Variants in UPP1 observed in about 807,000 individuals in gnomAD.
UPP1 encodes UPase 1.
Under a neutral mutation model 29.6 loss-of-function variants are expected in UPP1, and 25 were observed. That is an observed-to-expected ratio of 0.85 (90% CI 0.62 to 1.18). The LOEUF is 1.18. Ranked by LOEUF, UPP1 falls within the 50% of genes most tolerant of loss-of-function variation. The probability of loss-of-function intolerance (pLI) is 0.00; values close to 1 mark genes in which losing one functional copy is unlikely to be tolerated. For synonymous variants in UPP1, 165 were observed against 159.8 expected, an observed-to-expected ratio of 1.03 and a Z score of -0.25; for missense variants, 368 against 410.4, an observed-to-expected ratio of 0.90 and a Z score of 0.89.
In UPP1 at chr7:48,101,807, C is replaced by T. The variant is rs370389627; in HGVS notation, c.163-17C>T. The T allele has an allele frequency of 1.2e-6, 2 of 1,612,034 alleles. No homozygotes were observed. Among genetic ancestry groups the T allele is most frequent in the South Asian group, 1.1e-5 (1 of 90,776 alleles). On this transcript the variant is annotated splice_polypyrimidine_tract_variant and intron_variant, in intron 4 of 8. Transcript: ENST00000395564. The stretch of plus-strand genomic sequence containing the variant: ...ATAGACAGTGCACTAATGGGGGTCT[C>T]TCTTCTCTGGCTGCAGTTTGTGTGT...
Position 48,108,529 on chromosome 7 carries a change from T to C in UPP1, c.*172T>C. 1 of 738,310 alleles carries C rather than the reference T, an allele frequency of 1.4e-6. No individual in the cohort carries two copies. Among genetic ancestry groups the C allele is most frequent in the Non-Finnish European group, 2.0e-6 (1 of 509,244 alleles). The allele number at this position is 738,310 out of a possible 1,614,324, so 45.7% of individuals were successfully genotyped here. On this transcript the variant is annotated 3_prime_UTR_variant, in exon 9 of 9. Transcript: ENST00000395564. ...AACCGCATGGGAGATGTTCTTCCTT[T>C]TGAAGTTTCATTGGAGCATTTTCAA...
At chr7:48,096,059 T>C (rs1274783794) in intron 3 of UPP1, among the ~76,000 whole-genome samples, 3 of 152,308 alleles carry the variant, frequency 2.0e-5, no homozygotes, top group Non-Finnish European at 2.9e-5. Context: ...CCTCCTGCCA[T>C]GGCTTGAGGT....
At chr7:48,097,706 A>G (rs1029564626) in intron 3 of UPP1, among the ~76,000 whole-genome samples, 18 of 152,276 alleles carry the variant, frequency 1.2e-4, no homozygotes, top group Middle Eastern at 6.8e-3. Flanking sequence ...TAGCCCTTCT[A>G]TGTTGTACTC....
intron 4 of UPP1, among the ~76,000 whole-genome samples, chr7:48,100,125 T>C (rs1792343760): frequency 6.6e-6 from 1 of 152,190 alleles, no homozygotes; most frequent in Non-Finnish European, 1.5e-5. Context: ...ACCTAGGTGG[T>C]AGAGCCTACT....
intron 4 of UPP1, among the ~76,000 whole-genome samples, chr7:48,101,009 C>T (rs1427140854): frequency 1.3e-5 from 2 of 151,944 alleles, no homozygotes; most frequent in African/African-American, 2.4e-5. Flanking sequence ...TGGGTTCAAG[C>T]GATTCTCTTG....
At chr7:48,096,298 A>G (rs1583860793) in intron 3 of UPP1, among the ~76,000 whole-genome samples, 1 of 150,738 alleles carries the variant, frequency 6.6e-6, no homozygotes, top group African/African-American at 2.4e-5. Context: ...GCCTCTTAGG[A>G]AGGATGTGAC....
chr7:48,093,006 CT>C (rs1583852760), intron 2 of UPP1, among the ~76,000 whole-genome samples: 1 of 151,590 alleles, frequency 6.6e-6, no homozygotes, highest in East Asian at 1.9e-4. Context: ...GCATGGCCCC[CT>C]GTTTCTAAAA....
intron 8 of UPP1, 77 bp from the exon 9 acceptor site, chr7:48,108,141 C>T (rs548092642): frequency 1.2e-5 from 18 of 1,559,364 alleles, no homozygotes; most frequent in African/African-American, 6.8e-5. Context: ...CCTCAGAGCT[C>T]GTGGGTTCTT....
intron 4 of UPP1, 143 bp from the exon 5 acceptor site, chr7:48,101,681 A>G: frequency 1.1e-6 from 1 of 943,450 alleles, no homozygotes. Flanking sequence ...GGCCCCTTAG[A>G]TTCAGCAGGT....
intron 4 of UPP1, among the ~76,000 whole-genome samples, chr7:48,100,899 T>G (rs534510107): frequency 8.4e-4 from 128 of 151,916 alleles, no homozygotes; most frequent in African/African-American, 3.0e-3. Context: ...TTCTTTTCTT[T>G]TATCTTCAGA....
Position 48,107,030 on chromosome 7 carries a change from C to G in UPP1, c.594C>G (p.Ser198Arg). The change falls in exon 7 of 9, where the codon AGC becomes AGG. Residue 198 changes from serine to arginine, a missense_variant. Ser to Arg is a moderately radical substitution (Grantham distance 110, BLOSUM62 -1). Coordinates refer to ENST00000395564, the MANE Select transcript of UPP1 (RefSeq NM_003364.4). ...TGTTGCTGTGTTCTGCAGAGCTGAG[C>G]GAGTTCACCACAGTGGTGGGGAACA... Reference protein sequence around the residue: ...QELLLCSAELSEFTTVVGNTM... With the variant: ...QELLLCSAELREFTTVVGNTM... 6.2e-7 allele frequency: 1 copy of G among 1,612,532 alleles called. No homozygotes were observed.
intron 6 of UPP1, 91 bp from the exon 7 acceptor site, chr7:48,106,782 C>G: frequency 8.6e-7 from 1 of 1,168,846 alleles, no homozygotes; most frequent in Non-Finnish European, 1.3e-6. Context: ...TTCTTTCTTC[C>G]ATATGCTCTG....
rs911358557 is a variant in UPP1, at chr7:48,094,672, T to C, written c.-21-91T>C. 1.3e-5 allele frequency: 15 copies of C among 1,115,882 alleles called. No homozygotes were observed. The African/African-American group carries it at 2.0e-4, about 15-fold the overall frequency. The allele number at this position is 1,115,882 out of a possible 1,614,324, so 69.1% of individuals were successfully genotyped here. ...CAGGTGTGTAAGGAATTCCACTTCA[T>C]TGCACTGACTTTCTACATATTAGTG... is the stretch of plus-strand genomic sequence containing the variant. On this transcript the variant is annotated intron_variant, in intron 2 of 8. Transcript: ENST00000395564.
chr7:48,106,610 C>T, intron 6 of UPP1: 2 of 418,836 alleles, frequency 4.8e-6, no homozygotes, highest in Admixed American at 3.5e-5. Context: ...CTGCACCCAG[C>T]CCTCTACTTT....
intron 5 of UPP1, 122 bp downstream of exon 5, chr7:48,102,104 G>C: frequency 8.7e-7 from 1 of 1,152,004 alleles, no homozygotes; most frequent in Non-Finnish European, 1.2e-6. Flanking sequence ...CTGGGAGCAG[G>C]GTGAGCCCAC....
chr7:48,089,951 G>C (rs1040010684), intron 1 of UPP1, among the ~76,000 whole-genome samples: 3 of 152,356 alleles, frequency 2.0e-5, no homozygotes, highest in East Asian at 3.9e-4. Context: ...AAGGGAGAAG[G>C]GGGTAAAATT....
intron 6 of UPP1, 182 bp from the exon 7 acceptor site, chr7:48,106,691 A>T: frequency 1.7e-6 from 1 of 605,082 alleles, no homozygotes. Flanking sequence ...GCTTAAAAAA[A>T]AGTTGAATGG....
chr7:48,108,125 G>C (rs746623789), intron 8 of UPP1, 93 bp from the exon 9 acceptor site: 187 of 1,522,928 alleles, frequency 1.2e-4, no homozygotes, highest in Middle Eastern at 9.8e-4. Flanking sequence ...AGGCAGAGAG[G>C]CTGCTCCTCA....
intron 5 of UPP1, among the ~76,000 whole-genome samples, chr7:48,102,611 T>TA (rs1294233024): frequency 3.9e-5 from 6 of 152,306 alleles, no homozygotes; most frequent in Admixed American, 3.3e-4. Context: ...AGGTTACTGA[T>TA]AATCTGCGCA....
Sources: allele counts gnomAD v4.1 joint callset (sites outside exome capture counted in the v4.1 genomes callset), GRCh38; gene constraint gnomAD v4.1.1; transcripts MANE v1.5; gene names NCBI Gene and HGNC (gene_info 2026-07-23, HGNC 2026-07-21).